GRIK4: variants seen among roughly 807,000 people sequenced by gnomAD.
GRIK4 encodes glutamate receptor ionotropic, kainate 4.
GRIK4 carries 40 observed loss-of-function variants against 104.9 expected under a neutral mutation model. The ratio of observed to expected loss-of-function variants is 0.38; its 90% confidence interval spans 0.30 to 0.50. The LOEUF (loss-of-function observed/expected upper bound fraction) is 0.50, where lower values mean the gene tolerates loss of function less well. GRIK4 is among the 20% of genes least tolerant of loss of function. GRIK4 has a pLI of 0.93. For synonymous variants in GRIK4, 485 were observed against 524.9 expected (o/e 0.92, Z 1.04); for missense variants, 1,047 against 1,308.1 (o/e 0.80, Z 3.08).
At chr11:120,961,555 G>A (rs608891) in intron 17 of GRIK4, among the ~76,000 whole-genome samples, 24,574 of 152,154 alleles carry the variant, frequency 0.16, 2,384 homozygotes, top group East Asian at 0.33. Context: ...AGCTTAAGAC[G>A]AACTGGCTTC....
At chr11:120,712,092 G>A (rs1041641001) in intron 3 of GRIK4, among the ~76,000 whole-genome samples, 7 of 152,234 alleles carry the variant, frequency 4.6e-5, no homozygotes, top group Non-Finnish European at 7.3e-5. Flanking sequence ...GAAATTAAAT[G>A]GACATGTCAA....
At chr11:120,708,033 T>G (rs1950659543) in intron 3 of GRIK4, among the ~76,000 whole-genome samples, 1 of 152,106 alleles carries the variant, frequency 6.6e-6, no homozygotes, top group Admixed American at 6.5e-5. Flanking sequence ...AGATGCCACC[T>G]CTTAATGGGA....
chr11:120,602,503 T>C (rs1948900671), intron 1 of GRIK4, among the ~76,000 whole-genome samples: 1 of 152,124 alleles, frequency 6.6e-6, no homozygotes, highest in South Asian at 2.1e-4. Flanking sequence ...TTCAATCCTT[T>C]TGGACAGGCA....
chr11:120,900,920 G>C (rs917907795), intron 12 of GRIK4, among the ~76,000 whole-genome samples: 1 of 152,174 alleles, frequency 6.6e-6, no homozygotes, highest in Non-Finnish European at 1.5e-5. Context: ...GTCCACTTTG[G>C]GGGAGGGGGT....
At chr11:120,551,792 A>AAT (rs1449881233) in intron 1 of GRIK4, among the ~76,000 whole-genome samples, 3 of 151,684 alleles carry the variant, frequency 2.0e-5, no homozygotes, top group African/African-American at 7.3e-5. Flanking sequence ...TAAATAAATA[A>AAT]ATAAATAAAT....
chr11:120,813,910 C>T lies in GRIK4; in HGVS notation c.248-1468C>T, dbSNP rs188567522. Among the ~76,000 whole-genome samples the T allele has an allele frequency of 9.8e-5, 15 of 152,328 alleles. No individual in the cohort carries two copies. In the East Asian group the frequency reaches 2.1e-3, roughly 22 times the overall value. ...AACCTCGATTGCATTTTCTGAGGGA[C>T]GGCCCCTTGGCTCTGATACCACAGT... On this transcript the variant is annotated intron_variant, in intron 4 of 20. Transcript: ENST00000527524.
intron 19 of GRIK4, among the ~76,000 whole-genome samples, chr11:120,973,472 C>T (rs1944508963): frequency 6.6e-6 from 1 of 152,218 alleles, no homozygotes; most frequent in African/African-American, 2.4e-5. Context: ...CCGAAGATTT[C>T]TGGGTGCTAT....
At chr11:120,706,392 G>A (rs1950629307) in intron 3 of GRIK4, among the ~76,000 whole-genome samples, 1 of 152,190 alleles carries the variant, frequency 6.6e-6, no homozygotes, top group South Asian at 2.1e-4. Context: ...TTCCGACTGC[G>A]TTGGCATGCC....
At position 120,986,184 on chromosome 11, in the gene GRIK4, G is replaced by T; in HGVS notation, c.2795G>T (p.Arg932Leu). ...CPECRRFQGL[R>L]ARPSPARSEE... ...GAGTGCCGCCGCTTCCAGGGCCTGC[G>T]GGCACGGCCGTCGCCCGCCCGCAGC... Residue 932 changes from arginine (R) to leucine (L), a missense_variant, in exon 21 of 21, where the codon CGG becomes CTG. Arg to Leu is a moderately radical substitution (Grantham distance 102). Transcript: ENST00000527524. 6.4e-7 allele frequency: 1 copy of T among 1,562,202 alleles called. No individual in the cohort carries two copies. The highest frequency in any genetic ancestry group is 2.4e-5 in the East Asian group (1 of 41,154).
chr11:120,624,288 C>T (rs1399018572), intron 1 of GRIK4, among the ~76,000 whole-genome samples: 2 of 152,072 alleles, frequency 1.3e-5, no homozygotes, highest in Non-Finnish European at 2.9e-5. Flanking sequence ...AGCGGACTGT[C>T]TAGGCCTTGC....
At chr11:120,556,726 A>G (rs780854034) in intron 1 of GRIK4, among the ~76,000 whole-genome samples, 9 of 152,130 alleles carry the variant, frequency 5.9e-5, no homozygotes, top group Non-Finnish European at 7.4e-5. Flanking sequence ...CCTCCTGCAT[A>G]TACACAAGAG....
intron 6 of GRIK4, among the ~76,000 whole-genome samples, chr11:120,830,190 A>G (rs78835070): frequency 2.0e-5 from 3 of 150,772 alleles, no homozygotes; most frequent in Non-Finnish European, 3.0e-5. Flanking sequence ...CTATGAAGAA[A>G]AAAAAAAAAA....
intron 3 of GRIK4, among the ~76,000 whole-genome samples, chr11:120,725,818 A>G (rs537653527): frequency 6.6e-6 from 1 of 152,356 alleles, no homozygotes; most frequent in South Asian, 2.1e-4. Context: ...ATTTGGAAAT[A>G]CATTTGGCAG....
In GRIK4 at chr11:120,802,839, T is replaced by C. The variant is rs753283450; in HGVS notation, c.229T>C (p.Tyr77His). Residue 77 changes from tyrosine (Y) to histidine (H), a missense_variant, in exon 4 of 21, where the codon TAC (tyrosine) becomes CAC (histidine). By Grantham distance (83) the Tyr-to-His change is moderately conservative (BLOSUM62 2). Coordinates refer to ENST00000527524, the MANE Select transcript of GRIK4 (RefSeq NM_014619.5). ...DIFELLRDSE[Y>H]ETAETMCQIL... is the part of the protein sequence containing the mutation. ...CTTTGAGCTTCTCAGAGACAGCGAG[T>C]ACGAGACTGCAGAAACCAGTACGTA... is the stretch of plus-strand genomic sequence containing the variant. The C allele has an allele frequency of 2.5e-6, 4 of 1,614,002 alleles. No homozygotes were observed. The highest frequency in any genetic ancestry group is 1.1e-5 in the South Asian group (1 of 91,078).
intron 1 of GRIK4, among the ~76,000 whole-genome samples, chr11:120,652,150 A>G (rs947017795): frequency 2.6e-5 from 4 of 152,218 alleles, no homozygotes; most frequent in African/African-American, 9.7e-5. Flanking sequence ...CCTGAGGAGT[A>G]AATGAGTCTG....
chr11:120,809,716 G>A (rs1011224238), intron 4 of GRIK4, among the ~76,000 whole-genome samples: 4 of 152,198 alleles, frequency 2.6e-5, no homozygotes, highest in Non-Finnish European at 4.4e-5. Flanking sequence ...AATGGCAGGC[G>A]CAGGCCCACA....
intron 1 of GRIK4, among the ~76,000 whole-genome samples, chr11:120,544,081 C>A (rs1306851830): frequency 6.6e-6 from 1 of 152,242 alleles, no homozygotes; most frequent in African/African-American, 2.4e-5. Flanking sequence ...GCTAACAATA[C>A]TGTGTTCTAT....
At chr11:120,979,753 A>C (rs574505696) in intron 19 of GRIK4, among the ~76,000 whole-genome samples, 21 of 152,298 alleles carry the variant, frequency 1.4e-4, no homozygotes, top group Admixed American at 1.3e-3. Context: ...TAGCAGAAGA[A>C]GACCTAAAGG....
intron 1 of GRIK4, among the ~76,000 whole-genome samples, chr11:120,612,289 T>C (rs114605041): frequency 3.3e-5 from 5 of 152,340 alleles, no homozygotes; most frequent in African/African-American, 1.2e-4. Context: ...GAATGAATGA[T>C]AAATTTCCTA....
Sources: gnomAD v4.1 joint callset for allele counts (sites outside exome capture counted in the v4.1 genomes callset) on GRCh38, gnomAD v4.1.1 for gene constraint, MANE v1.5 for transcripts, NCBI Gene and HGNC (gene_info 2026-07-23, HGNC 2026-07-21) for gene names.